The following CSMD1 variants were observed in gnomAD, a reference collection of about 807,000 sequenced individuals.
CSMD1 encodes CUB and sushi domain-containing protein 1.
A neutral mutation model predicts 417.5 loss-of-function variants in CSMD1; 213 were observed. That is an observed-to-expected ratio of 0.51 (90% CI 0.46 to 0.57). The LOEUF is 0.57. Ranked by LOEUF, CSMD1 falls within the 20% of genes least tolerant of loss-of-function variation. The pLI is 0.00. For synonymous variants in CSMD1, 2,862 were observed against 1,736.8 expected (o/e 1.65, Z -16.11); for missense variants, 6,923 against 4,529.7 (o/e 1.53, Z -15.17).
At chr8:3,656,343 G>C (rs962614965) in intron 7 of CSMD1, among the ~76,000 whole-genome samples, 2 of 152,156 alleles carry the variant, frequency 1.3e-5, no homozygotes, top group East Asian at 1.9e-4. Context: ...TCCTAGAAAA[G>C]CTTTCCAGCG....
At chr8:3,494,561 TAGATAGATAGATAGATAGATAGA>T (rs1304184134) in intron 10 of CSMD1, among the ~76,000 whole-genome samples, 8 of 45,910 alleles carry the variant, frequency 1.7e-4, no homozygotes, top group African/African-American at 5.9e-4. Context: ...AGATGATAGA[TAGATAGATAGATAGATAGATAGA>T]TAGATAGATA....
intron 1 of CSMD1, among the ~76,000 whole-genome samples, chr8:4,645,073 G>C (rs1427892892): frequency 1.3e-5 from 2 of 152,158 alleles, no homozygotes. Flanking sequence ...CAAAAGCAGA[G>C]TTGCTATTCT....
chr8:4,033,420 T>C (rs35642001), intron 3 of CSMD1, among the ~76,000 whole-genome samples: 28,253 of 152,112 alleles, frequency 0.19, 2,796 homozygotes, highest in South Asian at 0.23. Context: ...CCAGCGTGGG[T>C]GACAGAGCGA....
intron 59 of CSMD1, among the ~76,000 whole-genome samples, chr8:2,964,847 G>A (rs921533602): frequency 6.6e-6 from 1 of 152,126 alleles, no homozygotes; most frequent in Non-Finnish European, 1.5e-5. Flanking sequence ...GAGCATTCAG[G>A]TCACATTTAA....
At chr8:4,923,223 G>T (rs985274551) in intron 1 of CSMD1, among the ~76,000 whole-genome samples, 1 of 152,156 alleles carries the variant, frequency 6.6e-6, no homozygotes, top group Non-Finnish European at 1.5e-5. Context: ...GTAGACACAA[G>T]TGTCCATTCA....
intron 5 of CSMD1, among the ~76,000 whole-genome samples, chr8:3,971,903 T>C (rs963931415): frequency 2.0e-5 from 3 of 152,190 alleles, no homozygotes; most frequent in Non-Finnish European, 4.4e-5. Context: ...TTGACTTTTT[T>C]GTTCTTGTTT....
chr8:3,533,814 A>G (rs1321939783), intron 10 of CSMD1, among the ~76,000 whole-genome samples: 2 of 152,150 alleles, frequency 1.3e-5, no homozygotes, highest in African/African-American at 2.4e-5. Flanking sequence ...ATGAAAGTTC[A>G]CTTTTTTTCT....
intron 3 of CSMD1, among the ~76,000 whole-genome samples, chr8:4,091,921 G>C (rs539135434): frequency 1.3e-5 from 2 of 152,214 alleles, no homozygotes; most frequent in South Asian, 2.1e-4. Flanking sequence ...AGTGCTCCCA[G>C]TTCTCTATTT....
chr8:4,669,523 A>G (rs1240867276), intron 1 of CSMD1, among the ~76,000 whole-genome samples: 1 of 152,156 alleles, frequency 6.6e-6, no homozygotes, highest in South Asian at 2.1e-4. Context: ...CTTCTTCCAA[A>G]TTGACACATA....
intron 1 of CSMD1, among the ~76,000 whole-genome samples, chr8:4,749,216 T>A (rs1054687284): frequency 6.6e-6 from 1 of 152,262 alleles, no homozygotes; most frequent in East Asian, 1.9e-4. Context: ...ATCTGAAAAC[T>A]TTTTCATTAA....
At chr8:4,379,179 C>A (rs894449505) in intron 3 of CSMD1, among the ~76,000 whole-genome samples, 1 of 152,124 alleles carries the variant, frequency 6.6e-6, no homozygotes, top group Non-Finnish European at 1.5e-5. Flanking sequence ...CTGATTTATT[C>A]TGTAGTATTC....
intron 1 of CSMD1, among the ~76,000 whole-genome samples, chr8:4,850,235 C>T (rs1388251609): frequency 6.6e-6 from 1 of 152,034 alleles, no homozygotes; most frequent in Non-Finnish European, 1.5e-5. Context: ...TACTGAGCTC[C>T]AAGAGTACTT....
rs147577008 is a variant in CSMD1, at chr8:4,260,933, T to C, written c.415+159020A>G. On this transcript the variant is annotated intron_variant, in intron 3 of 69. Coordinates refer to ENST00000635120, the MANE Select transcript of CSMD1 (RefSeq NM_033225.6). ...ACGGTTATTTTAGTTAGTATTTACCTGGTGTATTTTTCTACTCTACCTTTA... is the reference window on the plus strand; with the variant it reads ...ACGGTTATTTTAGTTAGTATTTACCCGGTGTATTTTTCTACTCTACCTTTA... Among the ~76,000 whole-genome samples, 879 of 152,328 alleles carry C rather than the reference T, an allele frequency of 5.8e-3. 8 individuals are homozygous for C. Among genetic ancestry groups the C allele is most frequent in the African/African-American group, 0.02 (840 of 41,570 alleles).
intron 47 of CSMD1, among the ~76,000 whole-genome samples, chr8:3,094,083 G>GT (rs36032306): frequency 0.57 from 86,056 of 149,948 alleles, 25,034 homozygotes; most frequent in South Asian, 0.65. Context: ...GAGTTTTAGG[G>GT]TTTTTTTTAT....
chr8:3,835,762 C>T lies in CSMD1; in HGVS notation c.819-81720G>A, dbSNP rs905967124. Among the ~76,000 whole-genome samples the T allele has an allele frequency of 1.2e-4, 18 of 151,828 alleles. 2 individuals carry two copies. Among genetic ancestry groups the T allele is most frequent in the African/African-American group, 4.3e-4 (18 of 41,460 alleles). Reference sequence around the variant, plus strand: ...AAATTTGGATGGCTCCACCCTTAACCCCACCATTTGGCTAACTCTGGGTGA... The same window carrying T: ...AAATTTGGATGGCTCCACCCTTAACTCCACCATTTGGCTAACTCTGGGTGA... On this transcript the variant is annotated intron_variant, in intron 5 of 69. Coordinates refer to ENST00000635120, the MANE Select transcript of CSMD1 (RefSeq NM_033225.6).
At chr8:4,079,780 C>G (rs1442710482) in intron 3 of CSMD1, among the ~76,000 whole-genome samples, 1 of 152,034 alleles carries the variant, frequency 6.6e-6, no homozygotes, top group Non-Finnish European at 1.5e-5. Flanking sequence ...AACCCATGTT[C>G]TCTTTTCATC....
chr8:3,633,688 G>T (rs140159242), intron 7 of CSMD1, among the ~76,000 whole-genome samples: 164 of 152,244 alleles, frequency 1.1e-3, no homozygotes, highest in African/African-American at 3.7e-3. Context: ...ATATAAATCT[G>T]AAAACATTCA....
At chr8:3,783,615 C>A (rs1799297880) in intron 5 of CSMD1, among the ~76,000 whole-genome samples, 1 of 152,158 alleles carries the variant, frequency 6.6e-6, no homozygotes, top group African/African-American at 2.4e-5. Context: ...GAGAGGAAGC[C>A]CTGGATGCAG....
rs189341633 is a variant in CSMD1 at position 4,322,884 on chromosome 8, C to G, written c.415+97069G>C. ...TTTGTAGTCCCAGCTACTCAGGAGG[C>G]TGAGGCAGGAGAATCGCTTGAACCC... On this transcript the variant is annotated intron_variant, in intron 3 of 69. Coordinates refer to ENST00000635120, the MANE Select transcript of CSMD1 (RefSeq NM_033225.6). Among the ~76,000 whole-genome samples the G allele has an allele frequency of 6.8e-3, 1,038 of 152,290 alleles. 11 individuals carry two copies. Among genetic ancestry groups the G allele is most frequent in the African/African-American group, 0.024 (1,001 of 41,566 alleles).
Sources: allele counts gnomAD v4.1 joint callset (sites outside exome capture counted in the v4.1 genomes callset), GRCh38; gene constraint gnomAD v4.1.1; transcripts MANE v1.5; gene names NCBI Gene and HGNC (gene_info 2026-07-23, HGNC 2026-07-21).